Variants in RERG observed in about 807,000 individuals in gnomAD.
The protein encoded by RERG is ras-related and estrogen-regulated growth inhibitor.
RERG carries 25 observed loss-of-function variants against 23.2 expected under a neutral mutation model. That is an observed-to-expected ratio of 1.08 (90% CI 0.79 to 1.50). The LOEUF is 1.50. Among genes scored for constraint, RERG ranks in the 40% most tolerant of loss-of-function variants. The probability of loss-of-function intolerance (pLI) is 0.00; values close to 1 mark genes in which losing one functional copy is unlikely to be tolerated. For missense variants in RERG, 253 were observed against 250.1 expected (o/e 1.01, Z -0.08); for synonymous variants, 81 against 89.1 (o/e 0.91, Z 0.51).
intron 2 of RERG, among the ~76,000 whole-genome samples, chr12:15,208,202 G>T (rs1452747631): frequency 6.6e-6 from 1 of 152,084 alleles, no homozygotes; most frequent in African/African-American, 2.4e-5. Context: ...TTTCAGTCTT[G>T]CCAGCTGCCA....
intron 2 of RERG, among the ~76,000 whole-genome samples, chr12:15,209,927 A>G (rs1028625645): frequency 6.6e-6 from 1 of 152,190 alleles, no homozygotes; most frequent in Non-Finnish European, 1.5e-5. Flanking sequence ...TGTATCTCTC[A>G]TATGTATGGA....
intron 2 of RERG, among the ~76,000 whole-genome samples, chr12:15,161,824 T>G (rs1177673238): frequency 1.3e-5 from 2 of 152,206 alleles, no homozygotes; most frequent in African/African-American, 4.8e-5. Context: ...TGCCAAGCAC[T>G]GTTCTAAGTA....
intron 2 of RERG, among the ~76,000 whole-genome samples, chr12:15,182,516 GATATA>G (rs1200222686): frequency 6.6e-6 from 1 of 152,002 alleles, no homozygotes; most frequent in Non-Finnish European, 1.5e-5. Flanking sequence ...TTGACTCAAA[GATATA>G]ATATCACATT....
chr12:15,117,463 C>T (rs947246199), intron 3 of RERG, among the ~76,000 whole-genome samples: 11 of 152,030 alleles, frequency 7.2e-5, no homozygotes, highest in African/African-American at 1.9e-4. Context: ...TTCGTATGAA[C>T]GATTCCAAGC....
At chr12:15,170,644 C>T (rs922093892) in intron 2 of RERG, among the ~76,000 whole-genome samples, 16 of 152,032 alleles carry the variant, frequency 1.1e-4, no homozygotes, top group Admixed American at 6.6e-5. Flanking sequence ...TTTTATAGAA[C>T]ATGCAAAGGG....
chr12:15,127,180 A>G (rs1863963765), intron 2 of RERG, among the ~76,000 whole-genome samples: 1 of 152,140 alleles, frequency 6.6e-6, no homozygotes, highest in African/African-American at 2.4e-5. Context: ...ATTTATTTAT[A>G]TTCTTGTATG....
intron 2 of RERG, among the ~76,000 whole-genome samples, chr12:15,186,985 A>G (rs1436160626): frequency 6.6e-6 from 1 of 152,094 alleles, no homozygotes; most frequent in Non-Finnish European, 1.5e-5. Context: ...ATTAGAAAAA[A>G]ATTAACATGG....
chr12:15,147,183 G>GA (rs1343513435), intron 2 of RERG, among the ~76,000 whole-genome samples: 11 of 152,242 alleles, frequency 7.2e-5, no homozygotes, highest in African/African-American at 2.4e-4. Context: ...AACATTGGAT[G>GA]AAACTGATAA....
In RERG at chr12:15,126,716, T is replaced by TTCTC. The variant is rs1863949305; in HGVS notation, c.62-5598_62-5597insGAGA. ...ATATCCAGATAGCATTTCTTTTTCT[T>TTCTC]TTTCTTTCTTTTTTTTTTTTTTTTG... is the stretch of plus-strand genomic sequence containing the variant. On this transcript the variant is annotated intron_variant, in intron 2 of 4. Coordinates refer to ENST00000256953, the MANE Select transcript of RERG (RefSeq NM_032918.3). 2.5e-5 allele frequency among the ~76,000 whole-genome samples: 3 copies of TTCTC among 121,998 alleles called. No individual in the cohort carries two copies. In the East Asian group the frequency reaches 7.6e-4, roughly 31 times the overall value. 80.0% of individuals were successfully genotyped at this position (121,998 alleles called of 152,430 possible).
At chr12:15,212,938 C>T (rs76384362) in intron 2 of RERG, among the ~76,000 whole-genome samples, 1,657 of 152,144 alleles carry the variant, frequency 0.011, 11 homozygotes, top group Admixed American at 0.019. Context: ...AGAAAAAGAA[C>T]AAAAAATAGG....
intron 2 of RERG, among the ~76,000 whole-genome samples, chr12:15,168,980 GT>G (rs557228727): frequency 4.6e-5 from 7 of 151,520 alleles, no homozygotes; most frequent in Non-Finnish European, 1.0e-4. Flanking sequence ...TACACTAAAG[GT>G]TTTTTTTTGT....
In RERG at chr12:15,137,554, C is replaced by T. The variant is rs527904122; in HGVS notation, c.62-16435G>A. On this transcript the variant is annotated intron_variant, in intron 2 of 4. Coordinates refer to ENST00000256953, the MANE Select transcript of RERG (RefSeq NM_032918.3). ...TATATCGATTTTACTTCTTTTTTTA[C>T]TTCGTTTAGTACTTGCCCTGGAGTT... Among the ~76,000 whole-genome samples the T allele has an allele frequency of 8.0e-5, 12 of 150,320 alleles. No individual in the cohort carries two copies. The South Asian group carries it at 8.4e-4, about 10-fold the overall frequency.
At chr12:15,142,990 C>G (rs1011684687) in intron 2 of RERG, among the ~76,000 whole-genome samples, 3 of 152,198 alleles carry the variant, frequency 2.0e-5, no homozygotes, top group Non-Finnish European at 4.4e-5. Flanking sequence ...CATTTGGAGA[C>G]AAAAAGAATA....
intron 2 of RERG, among the ~76,000 whole-genome samples, chr12:15,144,977 CA>C (rs1053967043): frequency 1.1e-4 from 17 of 152,320 alleles, no homozygotes; most frequent in African/African-American, 3.4e-4. Flanking sequence ...TCTTTTTTAA[CA>C]GAAAAATTTT....
At chr12:15,121,888 C>T (rs972736100) in intron 2 of RERG, among the ~76,000 whole-genome samples, 1 of 152,076 alleles carries the variant, frequency 6.6e-6, no homozygotes, top group Non-Finnish European at 1.5e-5. Context: ...AAGTCCTAGG[C>T]CATCTGGATA....
At chr12:15,218,667 A>G (rs1865475116) in intron 1 of RERG, among the ~76,000 whole-genome samples, 1 of 151,652 alleles carries the variant, frequency 6.6e-6, no homozygotes, top group African/African-American at 2.4e-5. Context: ...AAATAACTCA[A>G]AACAAGTCAA....
At chr12:15,119,056 A>T (rs1863783870) in intron 3 of RERG, among the ~76,000 whole-genome samples, 1 of 82,944 alleles carries the variant, frequency 1.2e-5, no homozygotes, top group Non-Finnish European at 2.6e-5. Context: ...CCTCTTGCAC[A>T]CACTCATATA....
At chr12:15,140,542 A>G (rs1313035372) in intron 2 of RERG, among the ~76,000 whole-genome samples, 1 of 137,584 alleles carries the variant, frequency 7.3e-6, no homozygotes, top group Non-Finnish European at 1.6e-5. Flanking sequence ...GGCCTATGTA[A>G]TGTTTTTTTC....
chr12:15,213,138 A>G (rs952231944), intron 2 of RERG, among the ~76,000 whole-genome samples: 2 of 152,240 alleles, frequency 1.3e-5, no homozygotes, highest in African/African-American at 4.8e-5. Flanking sequence ...CAAGCAATAT[A>G]GTTAGCTGTG....
Sources: gnomAD v4.1 joint callset for allele counts (sites outside exome capture counted in the v4.1 genomes callset) on GRCh38, gnomAD v4.1.1 for gene constraint, MANE v1.5 for transcripts, NCBI Gene and HGNC (gene_info 2026-07-23, HGNC 2026-07-21) for gene names.